Variants in HDAC9 observed in about 807,000 individuals in gnomAD.
HDAC9 encodes the protein histone deacetylase 9, also known as MEF-2 interacting transcription repressor (MITR) protein.
A neutral mutation model predicts 139.4 loss-of-function variants in HDAC9; 41 were observed. The observed-to-expected ratio is 0.29, with a 90% CI of 0.23 to 0.38. HDAC9 has a LOEUF of 0.38. HDAC9 is among the 10% of genes least tolerant of loss of function. The probability of loss-of-function intolerance (pLI) is 1.00; values close to 1 mark genes in which losing one functional copy is unlikely to be tolerated. For synonymous variants in HDAC9, 517 were observed against 476.2 expected (o/e 1.09, Z -1.12); for missense variants, 1,147 against 1,297.0 (o/e 0.88, Z 1.78).
At chr7:18,877,633 T>G (rs1164623900) in intron 22 of HDAC9, among the ~76,000 whole-genome samples, 1 of 152,204 alleles carries the variant, frequency 6.6e-6, no homozygotes, top group East Asian at 1.9e-4. Context: ...TAGTTTTGTT[T>G]GCTATCTCTG....
chr7:18,122,575 C>T (rs73315724), intron 1 of HDAC9, among the ~76,000 whole-genome samples: 3,418 of 152,038 alleles, frequency 0.022, 137 homozygotes, highest in African/African-American at 0.077. Flanking sequence ...TTGGTTGACT[C>T]GAACACAGAA....
At chr7:18,743,361 C>G (rs1305474219) in intron 13 of HDAC9, among the ~76,000 whole-genome samples, 1 of 152,102 alleles carries the variant, frequency 6.6e-6, no homozygotes, top group Non-Finnish European at 1.5e-5. Flanking sequence ...AAAAGACAAA[C>G]AGACAAACAC....
At chr7:18,858,107 T>A (rs1407479681) in intron 21 of HDAC9, among the ~76,000 whole-genome samples, 1 of 152,176 alleles carries the variant, frequency 6.6e-6, no homozygotes, top group Non-Finnish European at 1.5e-5. Context: ...GACAGCAGTG[T>A]CGAAATACCA....
intron 12 of HDAC9, among the ~76,000 whole-genome samples, chr7:18,702,033 T>C (rs970094598): frequency 6.6e-6 from 1 of 152,218 alleles, no homozygotes; most frequent in African/African-American, 2.4e-5. Context: ...TAACTTCAGC[T>C]ACTAACAGCA....
chr7:18,954,811 C>T (rs1783036068), intron 24 of HDAC9, among the ~76,000 whole-genome samples: 1 of 152,008 alleles, frequency 6.6e-6, no homozygotes, highest in African/African-American at 2.4e-5. Context: ...AACCAAAGGG[C>T]ACTATTAGGT....
In HDAC9 at chr7:18,590,319, C is replaced by A. The variant is rs746524022; in HGVS notation, c.265-17C>A. 1 of 1,611,576 alleles carries A rather than the reference C, an allele frequency of 6.2e-7. No individual in the cohort carries two copies. Among genetic ancestry groups the A allele is most frequent in the Non-Finnish European group, 8.5e-7 (1 of 1,178,858 alleles). ...CTAAAGAAATTGCACACTCTCATGTCTTTCTCTTCTCGCAAGTTGCAACAG... is the reference window on the plus strand; with the variant it reads ...CTAAAGAAATTGCACACTCTCATGTATTTCTCTTCTCGCAAGTTGCAACAG... On this transcript the variant is annotated splice_polypyrimidine_tract_variant and intron_variant, in intron 3 of 25. Coordinates refer to ENST00000686413, the MANE Select transcript of HDAC9 (RefSeq NM_178425.4).
chr7:18,697,980 T>C (rs908497635), intron 12 of HDAC9, among the ~76,000 whole-genome samples: 1 of 152,092 alleles, frequency 6.6e-6, no homozygotes, highest in African/African-American at 2.4e-5. Flanking sequence ...CATGAATCAA[T>C]GATATCATGA....
At chr7:18,650,991 G>A (rs775847093) in intron 11 of HDAC9, among the ~76,000 whole-genome samples, 9 of 152,084 alleles carry the variant, frequency 5.9e-5, no homozygotes, top group Non-Finnish European at 1.2e-4. Flanking sequence ...TTGTCTAAGG[G>A]GACAGAGAGG....
chr7:18,515,834 A>G (rs191830074), intron 2 of HDAC9, among the ~76,000 whole-genome samples: 1 of 152,346 alleles, frequency 6.6e-6, no homozygotes, highest in Admixed American at 6.5e-5. Flanking sequence ...TCATCCATTT[A>G]CAGCAGCTGA....
intron 1 of HDAC9, among the ~76,000 whole-genome samples, chr7:18,114,246 A>C (rs910863344): frequency 1.3e-5 from 2 of 152,266 alleles, no homozygotes; most frequent in Non-Finnish European, 2.9e-5. Context: ...GGTTTAATCA[A>C]GGAAGCAAAC....
chr7:18,703,739 C>G (rs1264490067), intron 12 of HDAC9, among the ~76,000 whole-genome samples: 3 of 151,262 alleles, frequency 2.0e-5, no homozygotes, highest in African/African-American at 7.3e-5. Context: ...TTCCCCCTCT[C>G]CTTCCAGAAA....
chr7:18,748,852 T>C (rs1378983486), intron 13 of HDAC9, among the ~76,000 whole-genome samples, 153 bp from the exon 14 acceptor site: 1 of 152,234 alleles, frequency 6.6e-6, no homozygotes. Context: ...ATAGTTCTTA[T>C]GTGCTCCTGA....
chr7:18,810,218 AC>A (rs1278821677), intron 17 of HDAC9, among the ~76,000 whole-genome samples: 1 of 151,892 alleles, frequency 6.6e-6, no homozygotes, highest in African/African-American at 2.4e-5. Context: ...AAAAACAACA[AC>A]AATAACAAAA....
chr7:18,167,697 G>T (rs1314017442), intron 2 of HDAC9, among the ~76,000 whole-genome samples: 3 of 152,144 alleles, frequency 2.0e-5, no homozygotes, highest in African/African-American at 4.8e-5. Context: ...GAGTGTGAGA[G>T]GTTTCCAAAG....
chr7:18,690,189 A>G (rs1037835584), intron 12 of HDAC9, among the ~76,000 whole-genome samples: 1 of 151,992 alleles, frequency 6.6e-6, no homozygotes, highest in African/African-American at 2.4e-5. Flanking sequence ...TTTTATCCAT[A>G]TTTTATATTC....
At chr7:18,801,827 T>C (rs1793317904) in intron 17 of HDAC9, among the ~76,000 whole-genome samples, 1 of 152,060 alleles carries the variant, frequency 6.6e-6, no homozygotes, top group Non-Finnish European at 1.5e-5. Flanking sequence ...GACATTTACA[T>C]ATTGGAGCCA....
chr7:18,160,141 G>A (rs1787524218), intron 1 of HDAC9, among the ~76,000 whole-genome samples: 1 of 152,190 alleles, frequency 6.6e-6, no homozygotes, highest in African/African-American at 2.4e-5. Context: ...ATTGTGCAAA[G>A]TGACGTTAAA....
At chr7:18,389,032 G>T (rs144190815) in intron 1 of HDAC9, among the ~76,000 whole-genome samples, 4 of 152,104 alleles carry the variant, frequency 2.6e-5, no homozygotes, top group African/African-American at 9.7e-5. Context: ...CCTCTTGTTC[G>T]CTGAAGCTGC....
At chr7:18,934,184 C>A (rs115681580) in intron 22 of HDAC9, among the ~76,000 whole-genome samples, 325 of 151,898 alleles carry the variant, frequency 2.1e-3, no homozygotes, top group African/African-American at 7.5e-3. Flanking sequence ...GTGATATAAT[C>A]CCTTTAAAAA....
Sources: gnomAD v4.1 joint callset for allele counts (sites outside exome capture counted in the v4.1 genomes callset) on GRCh38, gnomAD v4.1.1 for gene constraint, MANE v1.5 for transcripts, NCBI Gene and HGNC (gene_info 2026-07-23, HGNC 2026-07-21) for gene names.